Variants in SDHAF3 observed in about 807,000 individuals in gnomAD.
SDHAF3 encodes succinate dehydrogenase complex assembly factor 3, also known as succinate dehydrogenase assembly factor 3, mitochondrial.
In SDHAF3, 18 loss-of-function variants were observed where a neutral mutation model predicts 11.5. That is an observed-to-expected ratio of 1.56 (90% CI 1.08 to 2.32). SDHAF3 has a LOEUF of 2.32. Ranked by LOEUF, SDHAF3 falls within the 30% of genes most tolerant of loss-of-function variation. The pLI is 0.00. For synonymous variants in SDHAF3, 72 were observed against 59.3 expected, an observed-to-expected ratio of 1.21 and a Z score of -0.99; for missense variants, 200 against 154.4, an observed-to-expected ratio of 1.30 and a Z score of -1.57.
intron 1 of SDHAF3, among the ~76,000 whole-genome samples, chr7:97,169,850 C>A (rs1218567415): frequency 6.6e-6 from 1 of 151,976 alleles, no homozygotes; most frequent in African/African-American, 2.4e-5. Context: ...TTTTTGATGA[C>A]TAATATTGAT....
chr7:97,127,136 C>T (rs1320791910), intron 1 of SDHAF3, among the ~76,000 whole-genome samples: 1 of 152,164 alleles, frequency 6.6e-6, no homozygotes, highest in African/African-American at 2.4e-5. Flanking sequence ...GCACCCACTG[C>T]CTAACCAGTC....
chr7:97,140,863 G>T (rs1385170584), intron 1 of SDHAF3, among the ~76,000 whole-genome samples: 1 of 152,258 alleles, frequency 6.6e-6, no homozygotes. Context: ...CAGGATAACA[G>T]CAATGTTCAG....
chr7:97,125,580 G>GT (rs1201665451), intron 1 of SDHAF3, among the ~76,000 whole-genome samples: 1 of 152,072 alleles, frequency 6.6e-6, no homozygotes. Context: ...ATTTCAGTAA[G>GT]TTGATCTTCA....
intron 1 of SDHAF3, among the ~76,000 whole-genome samples, chr7:97,175,777 C>T (rs1018523395): frequency 3.9e-5 from 6 of 152,108 alleles, no homozygotes; most frequent in African/African-American, 1.4e-4. Flanking sequence ...ATAGCATGAA[C>T]GTTAGTTTTT....
At chr7:97,161,971 A>G (rs1247040223) in intron 1 of SDHAF3, among the ~76,000 whole-genome samples, 2 of 152,216 alleles carry the variant, frequency 1.3e-5, no homozygotes, top group Non-Finnish European at 2.9e-5. Context: ...GGTGAGTCAA[A>G]TGGTATTTCT....
intron 1 of SDHAF3, among the ~76,000 whole-genome samples, chr7:97,120,333 G>C (rs1791472028): frequency 6.6e-6 from 1 of 152,112 alleles, no homozygotes; most frequent in Non-Finnish European, 1.5e-5. Flanking sequence ...CTGGGAGTTA[G>C]ACGTGGTAGG....
intron 1 of SDHAF3, chr7:97,142,881 T>C (rs1789073663): frequency 6.6e-6 from 1 of 152,010 alleles, no homozygotes; most frequent in African/African-American, 2.4e-5. Flanking sequence ...ATTATTTTCT[T>C]CTTAAATTCT....
chr7:97,177,507 AAAAAT>A (rs1280647667), intron 1 of SDHAF3, among the ~76,000 whole-genome samples: 1 of 152,208 alleles, frequency 6.6e-6, no homozygotes, highest in African/African-American at 2.4e-5. Context: ...GTCTCAAAAA[AAAAAT>A]AAGATACCCA....
At chr7:97,142,797 G>A (rs1348365843) in intron 1 of SDHAF3, 1 of 151,170 alleles carries the variant, frequency 6.6e-6, no homozygotes, top group Non-Finnish European at 1.5e-5. Flanking sequence ...GAAACAGAGT[G>A]TCTGCATGCA....
intron 1 of SDHAF3, chr7:97,135,615 G>GT: frequency 7.4e-6 from 1 of 134,328 alleles, no homozygotes; most frequent in East Asian, 2.0e-4. Flanking sequence ...GTGTGTGTGT[G>GT]TGTGTGAGAT....
At chr7:97,140,231 TC>T (rs1160215398) in intron 1 of SDHAF3, among the ~76,000 whole-genome samples, 1 of 152,176 alleles carries the variant, frequency 6.6e-6, no homozygotes, top group Admixed American at 6.5e-5. Flanking sequence ...AAAGTGTCTT[TC>T]AAAACAACCT....
chr7:97,139,868 C>T (rs1011725256), intron 1 of SDHAF3, among the ~76,000 whole-genome samples: 1 of 152,206 alleles, frequency 6.6e-6, no homozygotes. Flanking sequence ...CTGACCTATT[C>T]TCTCCATTCC....
chr7:97,132,488 A>C (rs538155164), intron 1 of SDHAF3, among the ~76,000 whole-genome samples: 1 of 152,186 alleles, frequency 6.6e-6, no homozygotes, highest in Non-Finnish European at 1.5e-5. Context: ...AGTGTCATCT[A>C]TCTGGTCTAG....
chr7:97,177,450 C>G (rs1465076615), intron 1 of SDHAF3, among the ~76,000 whole-genome samples: 1 of 151,904 alleles, frequency 6.6e-6, no homozygotes, highest in Non-Finnish European at 1.5e-5. Flanking sequence ...TGTAGTGAGC[C>G]GAGATCGCGC....
intron 1 of SDHAF3, among the ~76,000 whole-genome samples, chr7:97,142,042 CTTTTTT>C (rs71131003): frequency 1.4e-3 from 87 of 61,682 alleles, no homozygotes; most frequent in South Asian, 0.012. Flanking sequence ...GAATTGTTGT[CTTTTTT>C]TTTTTTTTTT....
intron 1 of SDHAF3, among the ~76,000 whole-genome samples, chr7:97,149,960 C>G (rs1789192623): frequency 6.6e-6 from 1 of 152,204 alleles, no homozygotes; most frequent in Admixed American, 6.5e-5. Flanking sequence ...ATGTAATATT[C>G]TAAATCCTTT....
At chr7:97,164,111 T>G (rs1373859797) in intron 1 of SDHAF3, among the ~76,000 whole-genome samples, 1 of 151,308 alleles carries the variant, frequency 6.6e-6, no homozygotes, top group East Asian at 2.0e-4. Context: ...TGCCTGGCTG[T>G]TTTTTTTATA....
intron 1 of SDHAF3, among the ~76,000 whole-genome samples, chr7:97,171,729 CAACT>C (rs1442318021): frequency 6.6e-6 from 1 of 151,926 alleles, no homozygotes; most frequent in Non-Finnish European, 1.5e-5. Flanking sequence ...TTTTGTGAGG[CAACT>C]AATTATCTTT....
At position 97,181,273 on chromosome 7, in the gene SDHAF3, C is replaced by A; in HGVS notation, c.*58C>A. 7.7e-7 allele frequency: 1 copy of A among 1,301,250 alleles called. No homozygotes were observed. The highest frequency in any genetic ancestry group is 1.1e-6 in the Non-Finnish European group (1 of 942,186). The allele number at this position is 1,301,250 out of a possible 1,614,324, so 80.6% of individuals were successfully genotyped here. A position where few individuals can be genotyped will look rare whatever the true frequency, so the allele number is the denominator to read the frequency against. On this transcript the variant is annotated 3_prime_UTR_variant, in exon 2 of 2. Coordinates refer to ENST00000432641, the MANE Select transcript of SDHAF3 (RefSeq NM_020186.3). ...AATTTAGAACCCCTACTTTAACTGT[C>A]ATTGGTTTTTGAAATATATTTAAGC...
Sources: gnomAD v4.1 joint callset for allele counts (sites outside exome capture counted in the v4.1 genomes callset) on GRCh38, gnomAD v4.1.1 for gene constraint, MANE v1.5 for transcripts, NCBI Gene and HGNC (gene_info 2026-07-23, HGNC 2026-07-21) for gene names.